HIVEP2: variants seen among roughly 807,000 people sequenced by gnomAD.
HIVEP2 encodes transcription factor HIVEP2.
Under a neutral mutation model 180.7 loss-of-function variants are expected in HIVEP2, and 14 were observed. The ratio of observed to expected loss-of-function variants is 0.08; its 90% CI spans 0.05 to 0.12. The LOEUF is 0.12. HIVEP2 is among the 10% of genes least tolerant of loss of function. The pLI, the probability that HIVEP2 is intolerant of heterozygous loss-of-function variation, is 1.00. For synonymous variants in HIVEP2, 1,184 were observed against 1,136.4 expected, an observed-to-expected ratio of 1.04 and a Z score of -0.84; for missense variants, 2,579 against 3,008.5, an observed-to-expected ratio of 0.86 and a Z score of 3.34.
Position 142,772,834 on chromosome 6 carries a change from C to G in HIVEP2, c.1905G>C (p.Gly635=), listed in dbSNP as rs1433999625. The G allele has an allele frequency of 6.2e-7, 1 of 1,614,178 alleles. No homozygotes were observed. The highest frequency in any genetic ancestry group is 8.5e-7 in the Non-Finnish European group (1 of 1,180,028). ...GTTTCCGACAGACATCATAGTCATACCCAACCCTGTCCCCAGGAGACAATT... is the reference window on the plus strand; with the variant it reads ...GTTTCCGACAGACATCATAGTCATAGCCAACCCTGTCCCCAGGAGACAATT... The part of the protein sequence containing the change: ...EKKLSPGDRV[G]YDYDVCRKPY... Residue 635 remains glycine (G), a synonymous_variant, in exon 5 of 10, where the codon GGG becomes GGC. Coordinates refer to ENST00000367603, the MANE Select transcript of HIVEP2 (RefSeq NM_006734.4). This position sits in a 1 kb window ranked among gnomAD's most constrained non-coding sequence, Gnocchi z 4.9.
intron 7 of HIVEP2, among the ~76,000 whole-genome samples, chr6:142,762,875 C>T (rs1300031006): frequency 6.6e-6 from 1 of 152,160 alleles, no homozygotes; most frequent in Non-Finnish European, 1.5e-5. Flanking sequence ...CAGGCCCCCA[C>T]TCCTCCTATT....
chr6:142,770,888 C>G lies in HIVEP2; in HGVS notation c.3851G>C (p.Gly1284Ala), dbSNP rs1265818384. The change falls in exon 5 of 10, where the codon GGA (glycine) becomes GCA (alanine). Residue 1284 changes from glycine (G) to alanine (A), a missense_variant. By Grantham distance (60) the Gly-to-Ala change is moderately conservative (BLOSUM62 0). Coordinates refer to ENST00000367603, the MANE Select transcript of HIVEP2 (RefSeq NM_006734.4). This position sits in a 1 kb window ranked among gnomAD's most constrained non-coding sequence, Gnocchi z 4.7. ...TKEQTYPCYSGASGLHPKNLL... is the reference protein window; with the variant it reads ...TKEQTYPCYSAASGLHPKNLL... ...GTTCTTTGGGTGTAGCCCTGATGCT[C>G]CTGAATAACATGGGTAGGTCTGCTC... The G allele has an allele frequency of 1.2e-6, 2 of 1,614,166 alleles. No individual in the cohort carries two copies. The highest frequency in any genetic ancestry group is 2.2e-5 in the South Asian group (2 of 91,076).
At chr6:142,887,111 T>A (rs1239078896) in intron 1 of HIVEP2, among the ~76,000 whole-genome samples, 1 of 152,124 alleles carries the variant, frequency 6.6e-6, no homozygotes, top group Non-Finnish European at 1.5e-5. Context: ...ATCCCACTCA[T>A]AAATATTGTA....
intron 1 of HIVEP2, among the ~76,000 whole-genome samples, chr6:142,867,360 T>C (rs1293033576): frequency 6.6e-6 from 1 of 152,188 alleles, no homozygotes; most frequent in Non-Finnish European, 1.5e-5. Context: ...CCAGATTGTA[T>C]TAACTATCAG....
chr6:142,796,183 C>T (rs1274230783), intron 2 of HIVEP2, among the ~76,000 whole-genome samples: 1 of 152,126 alleles, frequency 6.6e-6, no homozygotes, highest in Admixed American at 6.6e-5. Flanking sequence ...CTTCCTGCTT[C>T]ACTGAGGGCT....
At chr6:142,831,516 G>T (rs1212901270) in intron 2 of HIVEP2, among the ~76,000 whole-genome samples, 1 of 152,086 alleles carries the variant, frequency 6.6e-6, no homozygotes, top group Admixed American at 6.5e-5. Context: ...GGCTTCCCAC[G>T]CCCCTTTGTC....
chr6:142,772,540 C>G lies in HIVEP2; in HGVS notation c.2199G>C (p.Gln733His). The change falls in exon 5 of 10, where the codon CAG becomes CAC. Residue 733 changes from glutamine to histidine, a missense_variant. Physicochemically the swap from Gln to His is conservative, Grantham distance 24 (BLOSUM62 0). This residue lies in a region of HIVEP2 where 524 missense variants were observed against 563.6 expected (regional missense o/e 0.93). Transcript: ENST00000367603. The surrounding 1 kb of genome is among the most constrained non-coding windows in gnomAD (Gnocchi z 4.9). The stretch of plus-strand genomic sequence containing the variant: ...ATCCACTCCTGACTCCTTCCTGCAT[C>G]TGCAGTTTGGGGTCATAATCGGAAG... ...IMASDYDPKL[Q>H]MQEGVRSGFA... 1 of 1,614,188 alleles carries G rather than the reference C, an allele frequency of 6.2e-7. No individual in the cohort carries two copies.
intron 2 of HIVEP2, among the ~76,000 whole-genome samples, chr6:142,804,361 C>T (rs1776492804): frequency 6.6e-6 from 1 of 152,100 alleles, no homozygotes; most frequent in African/African-American, 2.4e-5. Context: ...TAGGGTCACA[C>T]TCTCCTGATC....
chr6:142,937,986 T>A (rs1007826834), intron 1 of HIVEP2, among the ~76,000 whole-genome samples: 1 of 152,172 alleles, frequency 6.6e-6, no homozygotes, highest in African/African-American at 2.4e-5. Context: ...TTTTAAGTGT[T>A]TAGTTCATCC....
intron 1 of HIVEP2, among the ~76,000 whole-genome samples, chr6:142,923,316 G>T (rs1428658711): frequency 6.6e-6 from 1 of 150,718 alleles, no homozygotes; most frequent in Non-Finnish European, 1.5e-5. Context: ...GGGCAACAGA[G>T]CAAGACTCCG....
intron 1 of HIVEP2, among the ~76,000 whole-genome samples, chr6:142,916,728 G>C (rs569421590): frequency 6.6e-6 from 1 of 152,290 alleles, no homozygotes; most frequent in South Asian, 2.1e-4. Context: ...CTGTATGATT[G>C]TCAGATTAAT....
At chr6:142,897,336 C>T (rs369379505) in intron 1 of HIVEP2, among the ~76,000 whole-genome samples, 38 of 152,294 alleles carry the variant, frequency 2.5e-4, no homozygotes, top group African/African-American at 8.7e-4. Context: ...GTAATAACTA[C>T]TAAAGTGGAA....
In HIVEP2 at chr6:142,753,653, G is replaced by A. The variant is rs752787556; in HGVS notation, c.6795C>T (p.Gly2265=). The A allele has an allele frequency of 2.2e-5, 36 of 1,614,010 alleles. No individual in the cohort carries two copies. Among genetic ancestry groups the A allele is most frequent in the Non-Finnish European group, 2.4e-5 (28 of 1,180,016 alleles). Reference sequence around the variant, plus strand: ...CCTTGGAGAAGGACTCCCCTGACGCGCCTTTCTTCTCCTCAAAGCCCTCCA... The same window carrying A: ...CCTTGGAGAAGGACTCCCCTGACGCACCTTTCTTCTCCTCAAAGCCCTCCA... ...LPMEGFEEKK[G]ASGESFSKDP... is the part of the protein sequence containing the mutation. The change falls in exon 10 of 10, where the codon GGC becomes GGT. Residue 2265 remains glycine (G), a synonymous_variant. Coordinates refer to ENST00000367603, the MANE Select transcript of HIVEP2 (RefSeq NM_006734.4).
At chr6:142,923,936 C>T (rs1362648045) in intron 1 of HIVEP2, among the ~76,000 whole-genome samples, 1 of 152,166 alleles carries the variant, frequency 6.6e-6, no homozygotes, top group Non-Finnish European at 1.5e-5. Context: ...GATCTCAAAC[C>T]GCTAGGTAAA....
chr6:142,773,724 T>C lies in HIVEP2; in HGVS notation c.1015A>G (p.Asn339Asp), dbSNP rs915117480. Residue 339 changes from asparagine to aspartate, a missense_variant, in exon 5 of 10, where the codon AAT (asparagine) becomes GAT (aspartate). Physicochemically the swap from Asn to Asp is conservative, Grantham distance 23. Transcript: ENST00000367603. ...IIPKSGIPLP[N>D]ESSQYIGPDM... ...GGGCCAATATACTGAGAGCTTTCATTAGGGAGAGGAATCCCACTTTTAGGG... is the reference window on the plus strand; with the variant it reads ...GGGCCAATATACTGAGAGCTTTCATCAGGGAGAGGAATCCCACTTTTAGGG... 6.2e-7 allele frequency: 1 copy of C among 1,614,104 alleles called. No homozygotes were observed. Among genetic ancestry groups the C allele is most frequent in the South Asian group, 1.1e-5 (1 of 91,084 alleles).
At chr6:142,918,069 G>A (rs1274268339) in intron 1 of HIVEP2, among the ~76,000 whole-genome samples, 4 of 150,974 alleles carry the variant, frequency 2.6e-5, no homozygotes, top group Admixed American at 6.6e-5. Flanking sequence ...CATCATGCCC[G>A]GAGCGTCTGT....
intron 1 of HIVEP2, among the ~76,000 whole-genome samples, chr6:142,922,271 G>A (rs1421248945): frequency 6.6e-6 from 1 of 152,162 alleles, no homozygotes; most frequent in East Asian, 1.9e-4. Context: ...CTTCTGCAAG[G>A]AGGGTTTAGG....
chr6:142,842,948 C>CA (rs926704949), intron 1 of HIVEP2, among the ~76,000 whole-genome samples: 4 of 152,120 alleles, frequency 2.6e-5, no homozygotes, highest in African/African-American at 9.7e-5. Context: ...ATGAAACTGA[C>CA]AACATCGTAG....
chr6:142,902,814 C>T (rs542903490), intron 1 of HIVEP2, among the ~76,000 whole-genome samples: 1 of 152,312 alleles, frequency 6.6e-6, no homozygotes, highest in Admixed American at 6.5e-5. Flanking sequence ...GCCAGATGCC[C>T]CTTACTGCTT....
Sources: allele counts gnomAD v4.1 joint callset (sites outside exome capture counted in the v4.1 genomes callset), GRCh38; gene constraint gnomAD v4.1.1; regional missense constraint gnomAD v4.1.1; non-coding constraint Gnocchi (gnomAD v3.1); transcripts MANE v1.5; gene names NCBI Gene and HGNC (gene_info 2026-07-23, HGNC 2026-07-21).